CPSF4: variants seen among roughly 807,000 people sequenced by gnomAD.
CPSF4 encodes the protein cleavage and polyadenylation specific factor 4, also known as cleavage and polyadenylation specificity factor subunit 4.
CPSF4 carries 11 observed loss-of-function variants against 37.7 expected under a neutral mutation model. That is an observed-to-expected ratio of 0.29 (90% CI 0.18 to 0.48). The LOEUF (loss-of-function observed/expected upper bound fraction) is 0.48. CPSF4 is among the 20% of genes least tolerant of loss of function. CPSF4 has a pLI of 0.99. For synonymous variants in CPSF4, 132 were observed against 135.9 expected (o/e 0.97, Z 0.20); for missense variants, 144 against 359.5 (o/e 0.40, Z 4.85).
chr7:99,439,266 C>T, intron 1 of CPSF4, 81 bp downstream of exon 1: 2 of 1,090,706 alleles, frequency 1.8e-6, no homozygotes, highest in Non-Finnish European at 2.6e-6. Flanking sequence ...ACTCCCTCGC[C>T]TCGGTCCTGA....
chr7:99,439,534 T>G, intron 1 of CPSF4: 1 of 228,732 alleles, frequency 4.4e-6, no homozygotes, highest in East Asian at 9.4e-5. Context: ...GGACTCCTTT[T>G]ACCCTCACTC....
chr7:99,455,752 G>C (rs978505252), intron 7 of CPSF4, among the ~76,000 whole-genome samples: 2 of 152,234 alleles, frequency 1.3e-5, no homozygotes, highest in African/African-American at 4.8e-5. Context: ...GGATGAGGCA[G>C]GGTCAGGGCT....
rs748974797 is a variant in CPSF4, at chr7:99,448,125, C to T, written c.159C>T (p.Gly53=). ...CTGTCCCTATCTTGCCGGCAGGGGG[C>T]ATGTGTCCGTTTCGCCACATCAGTG... The part of the protein sequence containing the change: ...FFLKAACGKG[G]MCPFRHISGE... Residue 53 remains glycine, a synonymous_variant, in exon 3 of 8, where the codon GGC becomes GGT. Transcript: ENST00000292476. This position sits in a 1 kb window ranked among gnomAD's most constrained non-coding sequence, Gnocchi z 4.4. 1.9e-6 allele frequency: 3 copies of T among 1,613,728 alleles called. No homozygotes were observed. The African/African-American group carries it at 4.0e-5, about 22-fold the overall frequency.
At chr7:99,440,674 A>ATATATATATATATATTTT in intron 1 of CPSF4, among the ~76,000 whole-genome samples, 1 of 88,086 alleles carries the variant, frequency 1.1e-5, no homozygotes, top group African/African-American at 9.7e-5. Context: ...ATATATATAT[A>ATATATATATATATATTTT]TTTTTTTTTT....
intron 1 of CPSF4, chr7:99,443,624 A>G (rs1365540225): frequency 2.0e-6 from 1 of 501,448 alleles, no homozygotes; most frequent in Non-Finnish European, 3.6e-6. Context: ...CCAGCCTGTA[A>G]TAATTGTATG....
chr7:99,446,293 G>A (rs1025557597), intron 2 of CPSF4, among the ~76,000 whole-genome samples: 2 of 152,186 alleles, frequency 1.3e-5, no homozygotes, highest in African/African-American at 4.8e-5. Flanking sequence ...GACTAATACA[G>A]TAGCCACTAG....
In CPSF4 at chr7:99,453,862, C is replaced by T; in HGVS notation, c.571-104C>T. On this transcript the variant is annotated intron_variant, in intron 6 of 7. Transcript: ENST00000292476. This position sits in a 1 kb window ranked among gnomAD's most constrained non-coding sequence, Gnocchi z 4.7. Reference sequence around the variant, plus strand: ...TGGGCCGTCGTGGAAGCCCTGCTTCCTGCCGTTTGCGGGACGAGTCCCGCC... The same window carrying T: ...TGGGCCGTCGTGGAAGCCCTGCTTCTTGCCGTTTGCGGGACGAGTCCCGCC... 9.0e-7 allele frequency: 1 copy of T among 1,106,648 alleles called. No homozygotes were observed. The highest frequency in any genetic ancestry group is 1.3e-6 in the Non-Finnish European group (1 of 755,500). The allele number at this position is 1,106,648 out of a possible 1,614,324, so 68.6% of individuals were successfully genotyped here.
chr7:99,442,671 AAAAAC>A (rs1478151865), intron 1 of CPSF4, among the ~76,000 whole-genome samples: 9 of 149,590 alleles, frequency 6.0e-5, no homozygotes, highest in African/African-American at 2.0e-4. Flanking sequence ...AAAAAAAAAA[AAAAAC>A]AAAAAACAAG....
chr7:99,450,604 G>A (rs778891067), intron 4 of CPSF4, 98 bp from the exon 5 acceptor site: 8 of 1,033,690 alleles, frequency 7.7e-6, no homozygotes, highest in African/African-American at 1.6e-5. Context: ...TCCCTGCCCC[G>A]TCTCCCATGA....
rs764195891 is a variant in CPSF4 at position 99,454,112 on chromosome 7, A to G, written c.717A>G (p.Pro239=). Residue 239 remains proline, a synonymous_variant, in exon 7 of 8, where the codon CCA becomes CCG. Coordinates refer to ENST00000292476, the MANE Select transcript of CPSF4 (RefSeq NM_006693.4). The part of the protein sequence containing the change: ...NSSAGNRGPR[P]LEQVTCYKCG... ...GCGCGGGCAACCGGGGACCCCGGCC[A>G]CTGGAGCAGGTCACCTGTTACAAGG... 39 of 1,613,902 alleles carry G rather than the reference A, an allele frequency of 2.4e-5. No homozygotes were observed. The highest frequency in any genetic ancestry group is 2.7e-5 in the Non-Finnish European group (32 of 1,179,966).
intron 4 of CPSF4, 149 bp downstream of exon 4, chr7:99,450,520 C>A (rs45529541): frequency 0.058 from 43,291 of 743,628 alleles, 2,522 homozygotes; most frequent in African/African-American, 0.25. Flanking sequence ...ATCTCCCTTG[C>A]CTCTCCCAAG....
chr7:99,455,518 GAAGA>G (rs1212225543), intron 7 of CPSF4, among the ~76,000 whole-genome samples: 2 of 152,224 alleles, frequency 1.3e-5, no homozygotes, highest in African/African-American at 4.8e-5. Context: ...GGCCAACATA[GAAGA>G]AAGAAAACAG....
At chr7:99,449,391 T>TG (rs1314878895) in intron 3 of CPSF4, among the ~76,000 whole-genome samples, 2 of 152,340 alleles carry the variant, frequency 1.3e-5, no homozygotes, top group Admixed American at 1.3e-4. Flanking sequence ...ATAGCAGCAC[T>TG]GGGGCAGCAC....
At chr7:99,440,693 T>C (rs1248581891) in intron 1 of CPSF4, among the ~76,000 whole-genome samples, 4 of 137,232 alleles carry the variant, frequency 2.9e-5, no homozygotes, top group East Asian at 2.0e-4. Flanking sequence ...TTTTTTTTTT[T>C]CCTGCCTGTC....
chr7:99,450,585 G>A (rs1797861340), intron 4 of CPSF4, 117 bp from the exon 5 acceptor site: 2 of 895,864 alleles, frequency 2.2e-6, no homozygotes, highest in Admixed American at 1.8e-5. Flanking sequence ...CCAGTGTTGG[G>A]AGGTGAGGTC....
rs1306778972 is a variant in CPSF4, at chr7:99,450,575, C to A, written c.404-127C>A. On this transcript the variant is annotated intron_variant, in intron 4 of 7. Coordinates refer to ENST00000292476, the MANE Select transcript of CPSF4 (RefSeq NM_006693.4). ...TCCACCCGCTTTTTTGATAAGGAGG[C>A]CAGTGTTGGGAGGTGAGGTCCCTGC... The A allele has an allele frequency of 3.4e-5, 29 of 842,118 alleles. No individual in the cohort carries two copies. The Middle Eastern group carries it at 8.6e-4, about 25-fold the overall frequency. 52.2% of individuals were successfully genotyped at this position (842,118 alleles called of 1,614,324 possible). A position where few individuals can be genotyped will look rare whatever the true frequency, so the allele number is the denominator to read the frequency against.
In CPSF4 at chr7:99,453,033, G is replaced by A. The variant is rs1442523324; in HGVS notation, c.570+593G>A. On this transcript the variant is annotated intron_variant, in intron 6 of 7. Transcript: ENST00000292476. This position sits in a 1 kb window ranked among gnomAD's most constrained non-coding sequence, Gnocchi z 4.7. ...GCTGGTCCGTCCCCTCAAGCACAAGGAGAGGGGGAAATGCTGTAGACACAT... is the reference window on the plus strand; with the variant it reads ...GCTGGTCCGTCCCCTCAAGCACAAGAAGAGGGGGAAATGCTGTAGACACAT... 1 of 152,578 alleles carries A rather than the reference G, an allele frequency of 6.6e-6. No individual in the cohort carries two copies. The highest frequency in any genetic ancestry group is 1.5e-5 in the Non-Finnish European group (1 of 68,336). 9.5% of individuals were successfully genotyped at this position (152,578 alleles called of 1,614,324 possible). A position where few individuals can be genotyped will look rare whatever the true frequency, so the allele number is the denominator to read the frequency against.
Position 99,448,538 on chromosome 7 carries a change from G to T in CPSF4, c.307+265G>T, listed in dbSNP as rs1584503393. On this transcript the variant is annotated intron_variant, in intron 3 of 7. Transcript: ENST00000292476. The surrounding 1 kb of genome is among the most constrained non-coding windows in gnomAD (Gnocchi z 4.4). ...TGGTCTTGAACTCCTGGGCTCGAGTGATCTGCCTGCCTCAGCCTCCCAAAG... is the reference window on the plus strand; with the variant it reads ...TGGTCTTGAACTCCTGGGCTCGAGTTATCTGCCTGCCTCAGCCTCCCAAAG... 2 of 329,338 alleles carry T rather than the reference G, an allele frequency of 6.1e-6. No homozygotes were observed. The highest frequency in any genetic ancestry group is 1.1e-5 in the Non-Finnish European group (2 of 180,730). The allele number at this position is 329,338 out of a possible 1,614,324, so 20.4% of individuals were successfully genotyped here. A position where few individuals can be genotyped will look rare whatever the true frequency, so the allele number is the denominator to read the frequency against.
At position 99,456,621 on chromosome 7, in the gene CPSF4, C is replaced by T. The variant is rs971140821; in HGVS notation, c.*121C>T. On this transcript the variant is annotated 3_prime_UTR_variant, in exon 8 of 8. Transcript: ENST00000292476. ...AGCTGGCCCGCAGACACGTGGGTTT[C>T]ATCACTCTGAGGGGCCACGTCTGTT... 11 of 811,316 alleles carry T rather than the reference C, an allele frequency of 1.4e-5. No homozygotes were observed. Among genetic ancestry groups the T allele is most frequent in the Non-Finnish European group, 2.3e-5 (11 of 478,968 alleles). The allele number at this position is 811,316 out of a possible 1,614,324, so 50.3% of individuals were successfully genotyped here.
Sources: gnomAD v4.1 joint callset for allele counts (sites outside exome capture counted in the v4.1 genomes callset) on GRCh38, gnomAD v4.1.1 for gene constraint, Gnocchi (gnomAD v3.1) non-coding constraint, MANE v1.5 for transcripts, NCBI Gene and HGNC (gene_info 2026-07-23, HGNC 2026-07-21) for gene names.